SRL: variants seen among roughly 807,000 people sequenced by gnomAD.
SRL encodes sarcalumenin.
SRL carries 23 observed loss-of-function variants against 39.5 expected under a neutral mutation model. The observed-to-expected ratio is 0.58, with a 90% CI of 0.42 to 0.82. The LOEUF (loss-of-function observed/expected upper bound fraction) is 0.82, where lower values mean the gene tolerates loss of function less well. Among genes scored for constraint, SRL ranks in the 40% least tolerant of loss-of-function variants. The pLI is 0.00. For synonymous variants in SRL, 272 were observed against 237.4 expected (o/e 1.15, Z -1.34); for missense variants, 592 against 607.8 (o/e 0.97, Z 0.27).
chr16:4,193,088 T>G (rs2052090840), intron 5 of SRL, 124 bp from the exon 6 acceptor site: 2 of 799,886 alleles, frequency 2.5e-6, no homozygotes, highest in Non-Finnish European at 3.9e-6. Flanking sequence ...TTTCTGGGTT[T>G]CTACAGACTA....
chr16:4,206,637 T>A, intron 1 of SRL: 1 of 454,220 alleles, frequency 2.2e-6, no homozygotes, highest in Non-Finnish European at 4.4e-6. Context: ...TCTGCCACCT[T>A]CTGTCCCTGC....
At chr16:4,207,205 C>A in intron 1 of SRL, 1 of 457,076 alleles carries the variant, frequency 2.2e-6, no homozygotes. Flanking sequence ...CCTCCTTCTT[C>A]CTCGCTTCCA....
chr16:4,197,090 A>G (rs1320212979), intron 4 of SRL, among the ~76,000 whole-genome samples: 1 of 78,908 alleles, frequency 1.3e-5, no homozygotes, highest in African/African-American at 5.7e-5. Context: ...TTTTTGTGAG[A>G]CAGAGTCTCA....
intron 1 of SRL, among the ~76,000 whole-genome samples, chr16:4,219,052 A>C (rs1320733355): frequency 6.6e-6 from 1 of 152,184 alleles, no homozygotes; most frequent in Non-Finnish European, 1.5e-5. Flanking sequence ...ATTTATCCTT[A>C]TGGTTATTTT....
intron 5 of SRL, among the ~76,000 whole-genome samples, chr16:4,193,383 T>A (rs760707755): frequency 6.6e-6 from 1 of 152,208 alleles, no homozygotes; most frequent in Non-Finnish European, 1.5e-5. Context: ...GAAAGCTAAA[T>A]ACCTGTTCAA....
Position 4,220,813 on chromosome 16 carries a change from A to G in SRL, c.62-16179T>C, listed in dbSNP as rs149127073. 2.7e-3 allele frequency among the ~76,000 whole-genome samples: 412 copies of G among 151,186 alleles called. 2 individuals carry two copies. In the Middle Eastern group the frequency reaches 0.041, roughly 15 times the overall value. ...AGACCAGCCTAGGCAACATAGTGGG[A>G]CCCCGAATATACTTAAAAAAAAATT... On this transcript the variant is annotated intron_variant, in intron 1 of 5. Coordinates refer to ENST00000399609, the MANE Select transcript of SRL (RefSeq NM_001098814.2).
In SRL at chr16:4,192,977, G is replaced by A. The variant is rs979446202; in HGVS notation, c.611-13C>T. 1.9e-6 allele frequency: 3 copies of A among 1,596,550 alleles called. No homozygotes were observed. The Admixed American group carries it at 5.0e-5, about 27-fold the overall frequency. Reference sequence around the variant, plus strand: ...TTGAAGGGGTAGCCTTTGGGAGACAGAAGTGAGAAGTCAAACTGAGTAGGC... The same window carrying A: ...TTGAAGGGGTAGCCTTTGGGAGACAAAAGTGAGAAGTCAAACTGAGTAGGC... On this transcript the variant is annotated splice_polypyrimidine_tract_variant and intron_variant, in intron 5 of 5. Transcript: ENST00000399609. This position sits in a 1 kb window ranked among gnomAD's most constrained non-coding sequence, Gnocchi z 4.0.
intron 1 of SRL, among the ~76,000 whole-genome samples, chr16:4,219,848 G>A (rs2052501253): frequency 6.6e-6 from 1 of 152,050 alleles, no homozygotes; most frequent in African/African-American, 2.4e-5. Flanking sequence ...GTCAGCAGAG[G>A]CATGCAGGAA....
intron 1 of SRL, among the ~76,000 whole-genome samples, chr16:4,229,879 G>A (rs1042295567): frequency 6.6e-6 from 1 of 152,092 alleles, no homozygotes. Context: ...TGTGCCCAAG[G>A]CCAAGACTTT....
chr16:4,197,488 C>G (rs2052165391), intron 4 of SRL, among the ~76,000 whole-genome samples: 1 of 143,532 alleles, frequency 7.0e-6, no homozygotes, highest in Non-Finnish European at 1.5e-5. Flanking sequence ...GTGGCACAAT[C>G]TCAGCTCACT....
intron 1 of SRL, chr16:4,207,511 C>A (rs1353970457): frequency 6.6e-6 from 3 of 456,698 alleles, no homozygotes; most frequent in South Asian, 4.6e-5. Flanking sequence ...AGTGGGCCGA[C>A]CCCATCACCC....
intron 1 of SRL, among the ~76,000 whole-genome samples, chr16:4,224,338 C>G (rs2052563456): frequency 6.6e-6 from 1 of 152,042 alleles, no homozygotes; most frequent in Non-Finnish European, 1.5e-5. Flanking sequence ...GATGGAGTGC[C>G]TATATACTGT....
At chr16:4,228,788 C>T (rs1407339706) in intron 1 of SRL, among the ~76,000 whole-genome samples, 1 of 151,924 alleles carries the variant, frequency 6.6e-6, no homozygotes, top group Non-Finnish European at 1.5e-5. Flanking sequence ...CCTGAAGACC[C>T]CGGGGCTGGG....
chr16:4,192,714 C>A lies in SRL; in HGVS notation c.861G>T (p.Arg287Ser). ...GTGGCCAGAAGGAGCTGACGTAAACCCTTGGGGGCTCTGTGACATTGATGA... is the reference window on the plus strand; with the variant it reads ...GTGGCCAGAAGGAGCTGACGTAAACACTTGGGGGCTCTGTGACATTGATGA... ...APLINVTEPP[R>S]VYVSSFWPQE... The change falls in exon 6 of 6, where the codon AGG becomes AGT. Residue 287 changes from arginine to serine, a missense_variant. Physicochemically the swap from Arg to Ser is moderately radical, Grantham distance 110. Transcript: ENST00000399609. The surrounding 1 kb of genome is among the most constrained non-coding windows in gnomAD (Gnocchi z 4.0). The A allele has an allele frequency of 1.2e-6, 2 of 1,614,090 alleles. No individual in the cohort carries two copies. Among genetic ancestry groups the A allele is most frequent in the Non-Finnish European group, 1.7e-6 (2 of 1,180,016 alleles).
chr16:4,219,611 C>T (rs1229056511), intron 1 of SRL, among the ~76,000 whole-genome samples: 3 of 152,130 alleles, frequency 2.0e-5, no homozygotes, highest in Admixed American at 2.0e-4. Context: ...GTGCATGCCA[C>T]CATGCCTAGG....
intron 1 of SRL, chr16:4,207,224 A>G: frequency 4.4e-6 from 2 of 456,760 alleles, no homozygotes; most frequent in South Asian, 3.1e-5. Flanking sequence ...CACTTCCATC[A>G]CCACTTTCCT....
intron 3 of SRL, among the ~76,000 whole-genome samples, chr16:4,202,961 G>C (rs1409110362): frequency 1.3e-5 from 2 of 152,184 alleles, no homozygotes; most frequent in East Asian, 3.8e-4. Flanking sequence ...GCTGGTGAAA[G>C]GGTAGTTCCG....
intron 1 of SRL, among the ~76,000 whole-genome samples, chr16:4,223,798 G>A (rs2052557277): frequency 6.6e-6 from 1 of 152,116 alleles, no homozygotes; most frequent in Non-Finnish European, 1.5e-5. Context: ...CATCTTCCCA[G>A]AGACCTACGG....
intron 1 of SRL, among the ~76,000 whole-genome samples, chr16:4,226,870 T>A (rs1317597164): frequency 7.1e-6 from 1 of 141,028 alleles, no homozygotes; most frequent in Non-Finnish European, 1.5e-5. Context: ...AATGGAAGGA[T>A]GGATAGGAAG....
Sources: gnomAD v4.1 joint callset for allele counts (sites outside exome capture counted in the v4.1 genomes callset) on GRCh38, gnomAD v4.1.1 for gene constraint, Gnocchi (gnomAD v3.1) non-coding constraint, MANE v1.5 for transcripts, NCBI Gene and HGNC (gene_info 2026-07-23, HGNC 2026-07-21) for gene names.